The following SEZ6L variants were observed in gnomAD, a reference collection of about 807,000 sequenced individuals.
SEZ6L encodes seizure 6-like protein.
SEZ6L carries 37 observed loss-of-function variants against 106.2 expected under a neutral mutation model. The observed-to-expected ratio is 0.35, with a 90% CI of 0.27 to 0.46. The LOEUF (loss-of-function observed/expected upper bound fraction) is 0.46, where lower values mean the gene tolerates loss of function less well. Ranked by LOEUF, SEZ6L falls within the 20% of genes least tolerant of loss-of-function variation. The probability of loss-of-function intolerance (pLI) is 1.00; values close to 1 mark genes in which losing one functional copy is unlikely to be tolerated. For synonymous variants in SEZ6L, 541 were observed against 570.4 expected, an observed-to-expected ratio of 0.95 and a Z score of 0.73; for missense variants, 1,172 against 1,332.8, an observed-to-expected ratio of 0.88 and a Z score of 1.88.
At chr22:26,231,727 G>A (rs371029416) in intron 1 of SEZ6L, among the ~76,000 whole-genome samples, 12 of 152,224 alleles carry the variant, frequency 7.9e-5, no homozygotes, top group Non-Finnish European at 1.3e-4. Context: ...ATCTGGCTCC[G>A]CAACTTGGCA....
At chr22:26,358,972 T>C (rs2083526537) in intron 12 of SEZ6L, among the ~76,000 whole-genome samples, 1 of 152,168 alleles carries the variant, frequency 6.6e-6, no homozygotes, top group African/African-American at 2.4e-5. Flanking sequence ...TGATCTTATT[T>C]CAAAGTGTGA....
chr22:26,235,165 G>T (rs1361398822), intron 1 of SEZ6L, among the ~76,000 whole-genome samples: 5 of 152,184 alleles, frequency 3.3e-5, no homozygotes, highest in Admixed American at 3.3e-4. Context: ...TTTGGGGTTG[G>T]ATATTCCCTG....
At chr22:26,336,120 C>G (rs2145978803) in intron 9 of SEZ6L, among the ~76,000 whole-genome samples, 1 of 152,298 alleles carries the variant, frequency 6.6e-6, no homozygotes, top group South Asian at 2.1e-4. Context: ...GCAATACTTG[C>G]CACCATGTGC....
intron 1 of SEZ6L, among the ~76,000 whole-genome samples, chr22:26,271,587 A>G (rs1028435530): frequency 1.3e-5 from 2 of 152,200 alleles, no homozygotes; most frequent in Admixed American, 1.3e-4. Context: ...TCACTCAGTC[A>G]GTTCCTGTGA....
intron 9 of SEZ6L, among the ~76,000 whole-genome samples, chr22:26,339,011 T>C (rs1275889351): frequency 6.6e-6 from 1 of 151,788 alleles, no homozygotes; most frequent in East Asian, 1.9e-4. Flanking sequence ...GACTCCCTAC[T>C]CTGTGTTTAT....
intron 1 of SEZ6L, among the ~76,000 whole-genome samples, chr22:26,196,760 C>G (rs1228197566): frequency 6.6e-6 from 1 of 152,144 alleles, no homozygotes; most frequent in African/African-American, 2.4e-5. Context: ...GGAGAAGCAA[C>G]AGGTTCAAGG....
intron 9 of SEZ6L, among the ~76,000 whole-genome samples, chr22:26,332,791 C>G (rs1457748591): frequency 6.6e-6 from 1 of 152,168 alleles, no homozygotes; most frequent in African/African-American, 2.4e-5. Context: ...TGTTTTCTGA[C>G]ACAAGACTCA....
chr22:26,377,248 C>T (rs2084259777), intron 15 of SEZ6L, among the ~76,000 whole-genome samples: 1 of 152,170 alleles, frequency 6.6e-6, no homozygotes, highest in Non-Finnish European at 1.5e-5. Context: ...TGCACTACAA[C>T]CCGGGTGACA....
intron 1 of SEZ6L, among the ~76,000 whole-genome samples, chr22:26,236,377 C>T (rs74794936): frequency 0.025 from 3,748 of 152,270 alleles, 159 homozygotes; most frequent in African/African-American, 0.086. Flanking sequence ...ATGACTCTCA[C>T]AGTGTGGCTC....
chr22:26,348,851 GAGGGAGGGGAGGGT>G (rs2083177310), intron 11 of SEZ6L, among the ~76,000 whole-genome samples: 1 of 44,402 alleles, frequency 2.3e-5, no homozygotes, highest in African/African-American at 1.0e-4. Context: ...GGAGAGAAGG[GAGGGAGGGGAGGGT>G]GAGGGAAGGG....
chr22:26,314,047 T>C, intron 9 of SEZ6L, 145 bp downstream of exon 9: 1 of 680,830 alleles, frequency 1.5e-6, no homozygotes, highest in East Asian at 2.8e-5. Flanking sequence ...ATTCCCATAG[T>C]GAGACCAAGA....
intron 12 of SEZ6L, among the ~76,000 whole-genome samples, chr22:26,353,288 A>G (rs1227176734): frequency 6.6e-6 from 1 of 152,248 alleles, no homozygotes; most frequent in Non-Finnish European, 1.5e-5. Context: ...CACATTGCTA[A>G]GCACACTATA....
chr22:26,301,804 C>T (rs1215106423), intron 5 of SEZ6L, among the ~76,000 whole-genome samples: 2 of 152,058 alleles, frequency 1.3e-5, no homozygotes, highest in African/African-American at 4.8e-5. Flanking sequence ...AGAAGGAACT[C>T]GATGAGTTTG....
chr22:26,245,287 G>C (rs544261110), intron 1 of SEZ6L, among the ~76,000 whole-genome samples: 1 of 152,222 alleles, frequency 6.6e-6, no homozygotes, highest in Non-Finnish European at 1.5e-5. Flanking sequence ...CAGCATCCCC[G>C]GCTGCTGAGA....
At chr22:26,229,466 C>G (rs1255100391) in intron 1 of SEZ6L, among the ~76,000 whole-genome samples, 1 of 152,220 alleles carries the variant, frequency 6.6e-6, no homozygotes, top group East Asian at 1.9e-4. Flanking sequence ...GCATAACAAT[C>G]TCTCAGGCTG....
At chr22:26,217,221 C>T (rs1363420817) in intron 1 of SEZ6L, among the ~76,000 whole-genome samples, 1 of 152,206 alleles carries the variant, frequency 6.6e-6, no homozygotes, top group African/African-American at 2.4e-5. Flanking sequence ...TTCTTCCCTT[C>T]CCACCACCAT....
intron 10 of SEZ6L, among the ~76,000 whole-genome samples, chr22:26,346,734 CT>C (rs2083019882): frequency 6.6e-6 from 1 of 152,222 alleles, no homozygotes. Context: ...ATGGGTCTCT[CT>C]GGAGGGCTGC....
intron 11 of SEZ6L, among the ~76,000 whole-genome samples, chr22:26,348,646 A>AAGAAAAAGAAAGAAAGAAAGAG (rs1556371589): frequency 1.3e-4 from 1 of 7,696 alleles, no homozygotes; most frequent in African/African-American, 7.9e-4. Context: ...GAAAGAAAGA[A>AAGAAAAAGAAAGAAAGAAAGAG]AAAGAAAGAA....
chr22:26,210,795 T>C (rs1282574081), intron 1 of SEZ6L, among the ~76,000 whole-genome samples: 4 of 152,256 alleles, frequency 2.6e-5, no homozygotes, highest in African/African-American at 9.6e-5. Flanking sequence ...CATTTTCGGG[T>C]TTGGCCTGGA....
Sources: gnomAD v4.1 joint callset for allele counts (sites outside exome capture counted in the v4.1 genomes callset) on GRCh38, gnomAD v4.1.1 for gene constraint, MANE v1.5 for transcripts, NCBI Gene and HGNC (gene_info 2026-07-23, HGNC 2026-07-21) for gene names.